Variants in SPAG16 observed in about 807,000 individuals in gnomAD.
SPAG16 encodes sperm-associated antigen 16 protein.
Under a neutral mutation model 80.4 loss-of-function variants are expected in SPAG16, and 86 were observed. The observed-to-expected ratio is 1.07, with a 90% CI of 0.90 to 1.28. SPAG16 has a LOEUF of 1.28. SPAG16 is among the 50% of genes most tolerant of loss of function. The pLI, the probability that SPAG16 is intolerant of heterozygous loss-of-function variation, is 0.00. For missense variants in SPAG16, 870 were observed against 765.3 expected, an observed-to-expected ratio of 1.14 and a Z score of -1.61; for synonymous variants, 294 against 265.9, an observed-to-expected ratio of 1.11 and a Z score of -1.03.
chr2:213,364,677 A>C (rs1379513369), intron 8 of SPAG16: 2 of 151,984 alleles, frequency 1.3e-5, no homozygotes, highest in South Asian at 4.2e-4. Context: ...ACCAGAGAAG[A>C]GAGCTGCAAT....
chr2:213,590,224 G>T (rs985835938), intron 10 of SPAG16, among the ~76,000 whole-genome samples: 6 of 152,020 alleles, frequency 3.9e-5, no homozygotes, highest in Admixed American at 6.6e-5. Flanking sequence ...AAAATTTTAG[G>T]TTCAGTGGGT....
intron 15 of SPAG16, among the ~76,000 whole-genome samples, chr2:214,298,397 A>T (rs557236568): frequency 1.3e-5 from 2 of 152,200 alleles, no homozygotes; most frequent in Admixed American, 6.5e-5. Flanking sequence ...GATAAGGAGG[A>T]TGATGATGAA....
chr2:214,070,920 A>C lies in SPAG16; in HGVS notation c.1528-37276A>C, dbSNP rs552114288. On this transcript the variant is annotated intron_variant, in intron 13 of 15. Transcript: ENST00000331683. ...CTTAATTCATAATATAAATTGGAAA[A>C]TATAGTAGAGAAAGTTATAAAAATA... is the stretch of plus-strand genomic sequence containing the variant. Among the ~76,000 whole-genome samples the C allele has an allele frequency of 7.9e-5, 12 of 152,234 alleles. No homozygotes were observed. The East Asian group carries it at 1.3e-3, about 17-fold the overall frequency.
At chr2:213,376,736 A>G (rs538135446) in intron 9 of SPAG16, among the ~76,000 whole-genome samples, 2 of 152,230 alleles carry the variant, frequency 1.3e-5, no homozygotes, top group South Asian at 2.1e-4. Flanking sequence ...CATTTGTTCT[A>G]TAGTCTTAAT....
intron 13 of SPAG16, among the ~76,000 whole-genome samples, chr2:214,074,660 T>C (rs539428627): frequency 6.6e-6 from 1 of 151,682 alleles, no homozygotes; most frequent in East Asian, 1.9e-4. Context: ...AAAGCTAGGG[T>C]ACAGAAATAT....
chr2:213,848,568 C>T (rs1358225945), intron 10 of SPAG16, among the ~76,000 whole-genome samples: 1 of 152,172 alleles, frequency 6.6e-6, no homozygotes, highest in East Asian at 1.9e-4. Context: ...CTTTTCATTC[C>T]ATTTATCCAT....
rs1691097540 is a variant in SPAG16, at chr2:214,260,838, G to A, written c.1720+111572G>A. On this transcript the variant is annotated intron_variant, in intron 15 of 15. Transcript: ENST00000331683. Reference sequence around the variant, plus strand: ...ATTCTGAGACTTGGCCAGGTGCAGTGGCTCACAACTGTAATCCCAGCACTT... The same window carrying A: ...ATTCTGAGACTTGGCCAGGTGCAGTAGCTCACAACTGTAATCCCAGCACTT... Among the ~76,000 whole-genome samples, 5 of 152,014 alleles carry A rather than the reference G, an allele frequency of 3.3e-5. No homozygotes were observed. The South Asian group carries it at 1.0e-3, about 32-fold the overall frequency.
chr2:213,863,687 C>T (rs1318743280), intron 11 of SPAG16, among the ~76,000 whole-genome samples: 1 of 151,966 alleles, frequency 6.6e-6, no homozygotes, highest in Admixed American at 6.6e-5. Context: ...AGAGACAATA[C>T]AATTAGAAGA....
chr2:213,726,743 G>A (rs1336470612), intron 10 of SPAG16, among the ~76,000 whole-genome samples: 1 of 152,140 alleles, frequency 6.6e-6, no homozygotes, highest in African/African-American at 2.4e-5. Context: ...ACACTCATAT[G>A]GATTGTTTTA....
chr2:213,385,765 C>T (rs1343385151), intron 9 of SPAG16, among the ~76,000 whole-genome samples: 3 of 145,156 alleles, frequency 2.1e-5, no homozygotes, highest in African/African-American at 7.6e-5. Context: ...TTTTTAAGTA[C>T]GTTGTCTCAG....
intron 11 of SPAG16, among the ~76,000 whole-genome samples, chr2:213,877,037 T>G (rs2076167346): frequency 6.6e-6 from 1 of 152,308 alleles, no homozygotes; most frequent in African/African-American, 2.4e-5. Flanking sequence ...TCAACTATTT[T>G]GCTCATCAAA....
At chr2:214,147,515 A>T (rs1331455570) in intron 14 of SPAG16, among the ~76,000 whole-genome samples, 1 of 152,142 alleles carries the variant, frequency 6.6e-6, no homozygotes, top group African/African-American at 2.4e-5. Context: ...AATTGAAAAA[A>T]ATTTCCATTC....
At chr2:214,048,998 C>CA (rs1220233439) in intron 13 of SPAG16, among the ~76,000 whole-genome samples, 1 of 144,112 alleles carries the variant, frequency 6.9e-6, no homozygotes, top group Non-Finnish European at 1.5e-5. Flanking sequence ...TGAAATTGTA[C>CA]AAGCATAGCT....
At chr2:214,321,184 T>C (rs1225510799) in intron 15 of SPAG16, among the ~76,000 whole-genome samples, 3 of 152,180 alleles carry the variant, frequency 2.0e-5, no homozygotes, top group Non-Finnish European at 4.4e-5. Context: ...TAGTCTTAAA[T>C]AGGTTTGTTT....
intron 12 of SPAG16, among the ~76,000 whole-genome samples, chr2:213,963,822 T>C (rs2044576321): frequency 1.3e-5 from 2 of 152,116 alleles, no homozygotes; most frequent in South Asian, 4.1e-4. Context: ...TTATTTTGCC[T>C]GATATTAGTA....
intron 10 of SPAG16, among the ~76,000 whole-genome samples, chr2:213,549,896 G>T (rs578061692): frequency 5.3e-5 from 8 of 152,088 alleles, no homozygotes; most frequent in Admixed American, 1.3e-4. Context: ...TGTTATTTGA[G>T]GGAGGTGACA....
chr2:214,142,041 C>T (rs1043290450), intron 14 of SPAG16, among the ~76,000 whole-genome samples: 1 of 152,086 alleles, frequency 6.6e-6, no homozygotes, highest in Non-Finnish European at 1.5e-5. Context: ...AACTCCACCC[C>T]CACCCTCAAG....
chr2:213,929,266 G>A (rs867700461), intron 11 of SPAG16, among the ~76,000 whole-genome samples: 2 of 151,692 alleles, frequency 1.3e-5, no homozygotes, highest in African/African-American at 2.4e-5. Context: ...CGCCTGCCTC[G>A]GCCACCCAAA....
intron 15 of SPAG16, among the ~76,000 whole-genome samples, chr2:214,176,867 T>C (rs972963741): frequency 6.6e-6 from 1 of 150,864 alleles, no homozygotes; most frequent in Admixed American, 6.7e-5. Flanking sequence ...CAAAAAAATA[T>C]GTGCTATCAA....
Sources: allele counts gnomAD v4.1 joint callset (sites outside exome capture counted in the v4.1 genomes callset), GRCh38; gene constraint gnomAD v4.1.1; transcripts MANE v1.5; gene names NCBI Gene and HGNC (gene_info 2026-07-23, HGNC 2026-07-21).